The following ARHGEF3 variants were observed in gnomAD, a reference collection of about 807,000 sequenced individuals.
ARHGEF3 encodes the protein 59.8 kDA protein.
Under a neutral mutation model 63.2 loss-of-function variants are expected in ARHGEF3, and 28 were observed. The ratio of observed to expected loss-of-function variants is 0.44; its 90% CI spans 0.33 to 0.61. The LOEUF is 0.61. Among genes scored for constraint, ARHGEF3 ranks in the 20% least tolerant of loss-of-function variants. The pLI is 0.03. For missense variants in ARHGEF3, 533 were observed against 659.3 expected, an observed-to-expected ratio of 0.81 and a Z score of 2.10; for synonymous variants, 266 against 254.2, an observed-to-expected ratio of 1.05 and a Z score of -0.44.
At chr3:57,039,933 C>T (rs1364841089) in intron 1 of ARHGEF3, among the ~76,000 whole-genome samples, 1 of 152,152 alleles carries the variant, frequency 6.6e-6, no homozygotes, top group South Asian at 2.1e-4. Flanking sequence ...TGGTGAATGG[C>T]ACCCGTGACC....
chr3:56,904,835 T>C (rs2041634712), intron 3 of ARHGEF3, among the ~76,000 whole-genome samples: 1 of 152,224 alleles, frequency 6.6e-6, no homozygotes, highest in Non-Finnish European at 1.5e-5. Context: ...CTGTCATTCA[T>C]ACCAATACAA....
intron 6 of ARHGEF3, among the ~76,000 whole-genome samples, chr3:56,749,475 C>T (rs2034595142): frequency 6.6e-6 from 1 of 152,122 alleles, no homozygotes; most frequent in Non-Finnish European, 1.5e-5. Context: ...AGGAGTTATC[C>T]TACAAATTCT....
At chr3:56,879,140 T>C (rs563257261) in intron 4 of ARHGEF3, among the ~76,000 whole-genome samples, 1 of 152,234 alleles carries the variant, frequency 6.6e-6, no homozygotes, top group Admixed American at 6.5e-5. Context: ...TATTTCATTA[T>C]GTATTACAAT....
chr3:56,941,144 A>C (rs989319968), intron 3 of ARHGEF3: 1 of 152,694 alleles, frequency 6.5e-6, no homozygotes, highest in East Asian at 1.9e-4. Flanking sequence ...TGCAGAGCAC[A>C]CCACAGCATG....
intron 3 of ARHGEF3, among the ~76,000 whole-genome samples, chr3:56,937,370 A>G (rs1403164513): frequency 1.3e-5 from 2 of 152,204 alleles, no homozygotes; most frequent in Non-Finnish European, 2.9e-5. Flanking sequence ...TAGTATCTGT[A>G]ATTGTGTTAC....
chr3:57,006,640 T>C (rs1015427195), intron 2 of ARHGEF3, among the ~76,000 whole-genome samples: 23 of 152,140 alleles, frequency 1.5e-4, no homozygotes, highest in Non-Finnish European at 2.8e-4. Context: ...TAGCTTTTCA[T>C]AGGTCCTAAA....
intron 1 of ARHGEF3, among the ~76,000 whole-genome samples, chr3:57,066,270 CTTT>C (rs796586047): frequency 6.9e-6 from 1 of 145,332 alleles, no homozygotes. Context: ...TCCTTTCTTT[CTTT>C]TTTTTTTTTT....
chr3:56,857,773 A>C (rs952185296), intron 4 of ARHGEF3, among the ~76,000 whole-genome samples: 2 of 152,102 alleles, frequency 1.3e-5, no homozygotes, highest in Non-Finnish European at 2.9e-5. Flanking sequence ...ACAGCCTCTT[A>C]CTATGTTGCC....
chr3:56,916,881 G>A (rs554286483), intron 3 of ARHGEF3, among the ~76,000 whole-genome samples: 28 of 152,240 alleles, frequency 1.8e-4, no homozygotes, highest in Admixed American at 1.4e-3. Flanking sequence ...ACTGAGTCGC[G>A]GTTCAAAAGC....
chr3:57,025,112 A>G lies in ARHGEF3; in HGVS notation c.62+9976T>C, dbSNP rs1412693278. Among the ~76,000 whole-genome samples the G allele has an allele frequency of 5.3e-5, 8 of 152,332 alleles. 1 individual carries two copies. Among genetic ancestry groups the G allele is most frequent in the Admixed American group, 4.6e-4 (7 of 15,296 alleles). ...TCTGACTCTTCAAAACGCTAGTGCC[A>G]TGGAGGGCAAAAATAAAGGAGGGAT... On this transcript the variant is annotated intron_variant, in intron 2 of 12. Coordinates refer to the ARHGEF3 transcript ENST00000338458.
chr3:56,970,703 T>G (rs1362433321), intron 2 of ARHGEF3, among the ~76,000 whole-genome samples: 1 of 152,228 alleles, frequency 6.6e-6, no homozygotes, highest in African/African-American at 2.4e-5. Context: ...CTGCGAAGCT[T>G]GTATCTTTAG....
intron 1 of ARHGEF3, among the ~76,000 whole-genome samples, chr3:57,057,055 C>T (rs575855119): frequency 1.6e-4 from 24 of 152,058 alleles, no homozygotes; most frequent in African/African-American, 5.5e-4. Context: ...GCTGTAGTCC[C>T]GTTATGATCC....
In ARHGEF3 at chr3:56,745,313, A is replaced by G; in HGVS notation, c.762T>C (p.Asn254=). 1 of 1,614,088 alleles carries G rather than the reference A, an allele frequency of 6.2e-7. No homozygotes were observed. Among genetic ancestry groups the G allele is most frequent in the Non-Finnish European group, 8.5e-7 (1 of 1,180,032 alleles). The change falls in exon 7 of 10, where the codon AAT becomes AAC. Residue 254 remains asparagine, a synonymous_variant. Coordinates refer to ENST00000296315, the MANE Select transcript of ARHGEF3 (RefSeq NM_019555.3). ...GGCGGCTTCTTGGAATATCGAGGAA[A>G]TTCCAGAGATCTAGTTTGCGGCTAA... ...SPFSRKLDLW[N]FLDIPRSRLV...
intron 7 of ARHGEF3, among the ~76,000 whole-genome samples, chr3:56,738,193 C>A (rs187200477): frequency 6.6e-6 from 1 of 152,122 alleles, no homozygotes; most frequent in East Asian, 1.9e-4. Context: ...ACAGGCACCA[C>A]CACGCCCAGC....
In ARHGEF3 at chr3:56,751,419, G is replaced by GATTT. The variant is rs2034735212; in HGVS notation, c.439-24_439-23insAAAT. On this transcript the variant is annotated intron_variant, in intron 4 of 9. Coordinates refer to ENST00000296315, the MANE Select transcript of ARHGEF3 (RefSeq NM_019555.3). ...GGCCTGCACAAAAACGGCAAGAGAT[G>GATTT]GAAGCACATGTTTAAAATCAGAGGA... 1.9e-6 allele frequency: 3 copies of GATTT among 1,578,094 alleles called. No individual in the cohort carries two copies. The Admixed American group carries it at 5.0e-5, about 26-fold the overall frequency.
intron 4 of ARHGEF3, among the ~76,000 whole-genome samples, chr3:56,860,241 G>A (rs756989044): frequency 1.4e-4 from 21 of 152,036 alleles, no homozygotes; most frequent in South Asian, 8.3e-4. Context: ...GTAGTGGTAC[G>A]ATCATGGCTC....
At chr3:57,069,070 T>G (rs919055807) in intron 1 of ARHGEF3, among the ~76,000 whole-genome samples, 11 of 151,958 alleles carry the variant, frequency 7.2e-5, no homozygotes, top group African/African-American at 2.7e-4. Flanking sequence ...TTACAGGCAC[T>G]CACCACCACG....
chr3:56,898,853 A>G (rs982703335), intron 3 of ARHGEF3, among the ~76,000 whole-genome samples: 3 of 152,046 alleles, frequency 2.0e-5, no homozygotes, highest in African/African-American at 7.2e-5. Context: ...TCAAGAGATC[A>G]AGACCATCCT....
intron 7 of ARHGEF3, among the ~76,000 whole-genome samples, chr3:56,741,986 T>C (rs1481965098): frequency 1.3e-5 from 2 of 152,184 alleles, no homozygotes; most frequent in Non-Finnish European, 1.5e-5. Context: ...TGATGAGAGA[T>C]ACCTGGTAAC....
Sources: gnomAD v4.1 joint callset for allele counts (sites outside exome capture counted in the v4.1 genomes callset) on GRCh38, gnomAD v4.1.1 for gene constraint, MANE v1.5 for transcripts, NCBI Gene and HGNC (gene_info 2026-07-23, HGNC 2026-07-21) for gene names.